PTER: variants seen among roughly 807,000 people sequenced by gnomAD.
PTER encodes the protein N-acetyltaurine hydrolase.
In PTER, 38 loss-of-function variants were observed where a neutral mutation model predicts 29.6. The ratio of observed to expected loss-of-function variants is 1.28; its 90% CI spans 0.99 to 1.68. PTER has a LOEUF of 1.68. Ranked by LOEUF, PTER falls within the 40% of genes most tolerant of loss-of-function variation. The pLI is 0.00. For missense variants in PTER, 482 were observed against 427.8 expected (o/e 1.13, Z -1.12); for synonymous variants, 172 against 154.5 (o/e 1.11, Z -0.84).
At chr10:16,510,137 C>T (rs1011203469) in intron 4 of PTER, among the ~76,000 whole-genome samples, 5 of 152,298 alleles carry the variant, frequency 3.3e-5, no homozygotes, top group African/African-American at 1.2e-4. Flanking sequence ...GAGCCATTGT[C>T]TGTGAGTGGC....
rs577396907 is a variant in PTER, at chr10:16,507,724, C to T, written c.839+2564C>T. ...ATTAGTTAAGTAAGATGGCAACTCT[C>T]AACTCTACATGAGCAAATGACTTCA... On this transcript the variant is annotated intron_variant, in intron 4 of 4. Transcript: ENST00000535784. Among the ~76,000 whole-genome samples the T allele has an allele frequency of 5.9e-5, 9 of 152,356 alleles. No homozygotes were observed. The South Asian group carries it at 1.9e-3, about 32-fold the overall frequency.
At chr10:16,438,569 A>G (rs1417338703) in intron 1 of PTER, among the ~76,000 whole-genome samples, 1 of 149,686 alleles carries the variant, frequency 6.7e-6, no homozygotes, top group Non-Finnish European at 1.5e-5. Flanking sequence ...TCGGCCTCCC[A>G]AAGTGCTAGG....
At chr10:16,472,758 T>G (rs745327062) in intron 1 of PTER, among the ~76,000 whole-genome samples, 25 of 152,232 alleles carry the variant, frequency 1.6e-4, no homozygotes, top group African/African-American at 6.0e-4. Flanking sequence ...GACAGCTTTT[T>G]GAAATTTGAA....
chr10:16,474,537 CACCT>C (rs567310606), intron 1 of PTER, among the ~76,000 whole-genome samples: 520 of 152,124 alleles, frequency 3.4e-3, no homozygotes, highest in Non-Finnish European at 5.7e-3. Context: ...TGTAACAAAC[CACCT>C]ACCCATTTGG....
chr10:16,452,220 C>CACACACACAT (rs1282331852), intron 1 of PTER, among the ~76,000 whole-genome samples: 23 of 144,944 alleles, frequency 1.6e-4, no homozygotes, highest in African/African-American at 6.1e-4. Context: ...CACACACACA[C>CACACACACAT]ATATATATAC....
At chr10:16,463,896 C>G (rs1470147869) in intron 1 of PTER, among the ~76,000 whole-genome samples, 1 of 152,152 alleles carries the variant, frequency 6.6e-6, no homozygotes, top group Non-Finnish European at 1.5e-5. Context: ...GCTCATCATC[C>G]TTGTCTCAAT....
chr10:16,449,831 C>G (rs539246682), intron 1 of PTER, among the ~76,000 whole-genome samples: 49 of 152,316 alleles, frequency 3.2e-4, no homozygotes, highest in Middle Eastern at 3.4e-3. Flanking sequence ...GCATCTTAAT[C>G]TCCCTAAGCC....
At chr10:16,438,895 T>TGG (rs1361952153) in intron 1 of PTER, among the ~76,000 whole-genome samples, 6 of 127,344 alleles carry the variant, frequency 4.7e-5, no homozygotes, top group Non-Finnish European at 7.8e-5. Context: ...CACTCCAGCC[T>TGG]GGGTGTCAGA....
chr10:16,514,876 G>T (rs1022691571), downstream of PTER, among the ~76,000 whole-genome samples: 3 of 152,096 alleles, frequency 2.0e-5, no homozygotes, highest in African/African-American at 4.8e-5. Context: ...GGCAGTTTCC[G>T]CTACGTTAGT....
chr10:16,473,162 G>A (rs935773252), intron 1 of PTER, among the ~76,000 whole-genome samples: 3 of 151,380 alleles, frequency 2.0e-5, no homozygotes, highest in Non-Finnish European at 4.4e-5. Context: ...CTCTTTATTC[G>A]GCTCAAATGA....
intron 3 of PTER, among the ~76,000 whole-genome samples, chr10:16,498,294 C>G (rs1836190137): frequency 6.6e-6 from 1 of 152,160 alleles, no homozygotes; most frequent in Non-Finnish European, 1.5e-5. Context: ...CATGGATGGC[C>G]AGGCGCAGTG....
At chr10:16,446,719 ATTCT>A (rs1161093008) in intron 1 of PTER, among the ~76,000 whole-genome samples, 3 of 151,698 alleles carry the variant, frequency 2.0e-5, no homozygotes, top group African/African-American at 2.4e-5. Context: ...TAATTTCTTA[ATTCT>A]TTCTTTTCTA....
At chr10:16,459,965 C>G (rs950249645) in intron 1 of PTER, among the ~76,000 whole-genome samples, 4 of 152,108 alleles carry the variant, frequency 2.6e-5, no homozygotes, top group South Asian at 2.1e-4. Flanking sequence ...TCAGGCTGAT[C>G]TCGAACTCCC....
At chr10:16,440,758 G>A (rs1433942306) in intron 1 of PTER, among the ~76,000 whole-genome samples, 1 of 152,346 alleles carries the variant, frequency 6.6e-6, no homozygotes, top group Non-Finnish European at 1.5e-5. Flanking sequence ...GACAGTGAGC[G>A]GAGCCCCCTG....
chr10:16,477,535 C>G (rs569617733), intron 1 of PTER, among the ~76,000 whole-genome samples: 1 of 152,112 alleles, frequency 6.6e-6, no homozygotes, highest in Non-Finnish European at 1.5e-5. Context: ...TGTTAGTGAT[C>G]TATAGGTGGT....
chr10:16,444,800 C>A (rs952663027), intron 1 of PTER, among the ~76,000 whole-genome samples: 1 of 152,062 alleles, frequency 6.6e-6, no homozygotes, highest in Non-Finnish European at 1.5e-5. Context: ...TTGCTTCTGA[C>A]GAGCTTTTAC....
At chr10:16,476,576 AT>A (rs1346248120) in intron 1 of PTER, among the ~76,000 whole-genome samples, 1 of 151,874 alleles carries the variant, frequency 6.6e-6, no homozygotes, top group Non-Finnish European at 1.5e-5. Flanking sequence ...CTTCTTTTTT[AT>A]TTTTTTAAGA....
chr10:16,486,747 G>A, intron 3 of PTER, 130 bp downstream of exon 3: 1 of 1,088,292 alleles, frequency 9.2e-7, no homozygotes, highest in Non-Finnish European at 1.3e-6. Context: ...ATGGAAGGTA[G>A]TATTTATAAA....
In PTER at chr10:16,512,789, TCTA is replaced by T. The variant is rs1258730669; in HGVS notation, c.*1536_*1538del. 1 of 152,508 alleles carries T rather than the reference TCTA, an allele frequency of 6.6e-6. No individual in the cohort carries two copies. The highest frequency in any genetic ancestry group is 6.5e-5 in the Admixed American group (1 of 15,268). 9.4% of individuals were successfully genotyped at this position (152,508 alleles called of 1,614,324 possible). Reference sequence around the variant, plus strand: ...ATTTTTAAAATCTCTGTTTTTGAAATCTACTCGTCAAAGAGTTTTCAGAGGCAA... The same window carrying T: ...ATTTTTAAAATCTCTGTTTTTGAAATCTCGTCAAAGAGTTTTCAGAGGCAA... On this transcript the variant is annotated 3_prime_UTR_variant, in exon 5 of 5. Coordinates refer to ENST00000535784, the MANE Select transcript of PTER (RefSeq NM_001261836.2).
Sources: allele counts gnomAD v4.1 joint callset (sites outside exome capture counted in the v4.1 genomes callset), GRCh38; gene constraint gnomAD v4.1.1; transcripts MANE v1.5; gene names NCBI Gene and HGNC (gene_info 2026-07-23, HGNC 2026-07-21).